MECR: variants seen among roughly 807,000 people sequenced by gnomAD.
MECR encodes mitochondrial trans-2-enoyl-CoA reductase, also known as enoyl-[acyl-carrier-protein] reductase, mitochondrial.
A neutral mutation model predicts 49.1 loss-of-function variants in MECR; 37 were observed. The observed-to-expected ratio is 0.75, with a 90% CI of 0.58 to 0.99. The LOEUF (loss-of-function observed/expected upper bound fraction) is 0.99, where lower values mean the gene tolerates loss of function less well. Among genes scored for constraint, MECR ranks in the 50% least tolerant of loss-of-function variants. The pLI, the probability that MECR is intolerant of heterozygous loss-of-function variation, is 0.00. For missense variants in MECR, 470 were observed against 479.6 expected (o/e 0.98, Z 0.19); for synonymous variants, 198 against 191.1 (o/e 1.04, Z -0.30).
chr1:29,205,906 C>T lies in MECR; in HGVS notation c.550+856G>A, dbSNP rs534674022. Among the ~76,000 whole-genome samples, 5 of 152,316 alleles carry T rather than the reference C, an allele frequency of 3.3e-5. No individual in the cohort carries two copies. In the South Asian group the frequency reaches 8.3e-4, roughly 25 times the overall value. On this transcript the variant is annotated intron_variant, in intron 4 of 9. Transcript: ENST00000263702. ...CTCCATCTCTGTCTCACTCTCCCCA[C>T]TCCCCTTCATTTCTTCTTCCCAAAC...
At chr1:29,205,682 T>C (rs917379772) in intron 4 of MECR, among the ~76,000 whole-genome samples, 3 of 151,744 alleles carry the variant, frequency 2.0e-5, no homozygotes, top group African/African-American at 7.3e-5. Flanking sequence ...ATACAAAAAT[T>C]AGCCAGGCAT....
chr1:29,215,915 G>C, intron 3 of MECR, 90 bp downstream of exon 3: 1 of 1,475,314 alleles, frequency 6.8e-7, no homozygotes, highest in African/African-American at 1.4e-5. Flanking sequence ...GCATTACCCA[G>C]GTACACTCGG....
chr1:29,209,132 A>G (rs1215369247), intron 3 of MECR, among the ~76,000 whole-genome samples: 2 of 152,230 alleles, frequency 1.3e-5, no homozygotes, highest in Non-Finnish European at 2.9e-5. Context: ...TCTGACCCAC[A>G]GTAACCATGA....
chr1:29,209,048 G>T (rs536310682), intron 3 of MECR, among the ~76,000 whole-genome samples: 1 of 152,206 alleles, frequency 6.6e-6, no homozygotes, highest in Non-Finnish European at 1.5e-5. Flanking sequence ...AGAGTGATGG[G>T]AAGAGTGGCT....
intron 1 of MECR, among the ~76,000 whole-genome samples, chr1:29,217,656 G>C (rs1679822636): frequency 6.6e-6 from 1 of 152,190 alleles, no homozygotes; most frequent in African/African-American, 2.4e-5. Flanking sequence ...GATCTACTAA[G>C]CCAGAATCTC....
the MECR span, among the ~76,000 whole-genome samples, chr1:29,168,342 T>C: frequency 1.3e-5 from 2 of 152,106 alleles, no homozygotes; most frequent in African/African-American, 4.8e-5. Flanking sequence ...TCTACTGTAT[T>C]TTAAAGGCAG....
At chr1:29,210,805 T>G (rs1677814302) in intron 3 of MECR, among the ~76,000 whole-genome samples, 1 of 152,234 alleles carries the variant, frequency 6.6e-6, no homozygotes, top group South Asian at 2.1e-4. Flanking sequence ...GAGTTTCCAT[T>G]TCCCTAATCT....
chr1:29,215,119 T>C (rs571775873), intron 3 of MECR, among the ~76,000 whole-genome samples: 5 of 152,334 alleles, frequency 3.3e-5, no homozygotes, highest in East Asian at 3.9e-4. Flanking sequence ...GCTCACGTGA[T>C]TGAACCTGCC....
chr1:29,200,794 TC>T (rs1675131624), intron 6 of MECR, among the ~76,000 whole-genome samples: 1 of 152,126 alleles, frequency 6.6e-6, no homozygotes, highest in Non-Finnish European at 1.5e-5. Flanking sequence ...CTTTCTTTTT[TC>T]TTTTTCTTTC....
At chr1:29,222,703 A>G (rs1681071638) in intron 1 of MECR, among the ~76,000 whole-genome samples, 1 of 152,120 alleles carries the variant, frequency 6.6e-6, no homozygotes, top group Non-Finnish European at 1.5e-5. Context: ...GGAGAGAAGG[A>G]GAGTGAAGAG....
intron 7 of MECR, among the ~76,000 whole-genome samples, chr1:29,197,475 A>G (rs1674283340): frequency 6.6e-6 from 1 of 152,152 alleles, no homozygotes; most frequent in Non-Finnish European, 1.5e-5. Context: ...GATTGAGGCT[A>G]ACATAATTTT....
intron 1 of MECR, among the ~76,000 whole-genome samples, chr1:29,220,241 A>AC (rs928986281): frequency 1.2e-4 from 18 of 151,390 alleles, no homozygotes; most frequent in Non-Finnish European, 2.2e-4. Flanking sequence ...AAAAAAAAAA[A>AC]AATACAAAAA....
At chr1:29,229,205 ATTT>A (rs35185139) in intron 1 of MECR, among the ~76,000 whole-genome samples, 1 of 143,866 alleles carries the variant, frequency 7.0e-6, no homozygotes, top group Non-Finnish European at 1.5e-5. Flanking sequence ...ATCTAGCTTG[ATTT>A]TTTTTTTTTT....
intron 2 of MECR, 117 bp downstream of exon 2, chr1:29,216,471 T>A: frequency 9.2e-7 from 1 of 1,082,430 alleles, no homozygotes; most frequent in Non-Finnish European, 1.4e-6. Flanking sequence ...ACGGCTCATC[T>A]GGAGAACAGC....
chr1:29,174,735 C>A, the MECR span, among the ~76,000 whole-genome samples: 1 of 149,240 alleles, frequency 6.7e-6, no homozygotes, highest in Non-Finnish European at 1.5e-5. Flanking sequence ...GTGCAGTGGC[C>A]CGATCTAGGC....
chr1:29,169,631 C>A, the MECR span: 6 of 152,204 alleles, frequency 3.9e-5, no homozygotes, highest in African/African-American at 1.4e-4. Flanking sequence ...AATGAGAACA[C>A]AAATATATCA....
At position 29,201,369 on chromosome 1, in the gene MECR, C is replaced by CT. The variant is rs1211253828; in HGVS notation, c.756+573dup. ...TGAAAAGGGGCTGAGGGTCTGGTCACTTACTAGGCATGTTGTGGGGTGGAG... is the reference window on the plus strand; with the variant it reads ...TGAAAAGGGGCTGAGGGTCTGGTCACTTTACTAGGCATGTTGTGGGGTGGAG... On this transcript the variant is annotated intron_variant, in intron 6 of 9. Coordinates refer to ENST00000263702, the MANE Select transcript of MECR (RefSeq NM_016011.5). This position sits in a 1 kb window ranked among gnomAD's most constrained non-coding sequence, Gnocchi z 4.3. 1.9e-6 allele frequency: 1 copy of CT among 532,516 alleles called. No individual in the cohort carries two copies. Among genetic ancestry groups the CT allele is most frequent in the Non-Finnish European group, 3.9e-6 (1 of 259,696 alleles). 33.0% of individuals were successfully genotyped at this position (532,516 alleles called of 1,614,324 possible).
At chr1:29,187,431 G>A in the MECR span, among the ~76,000 whole-genome samples, 51 of 151,094 alleles carry the variant, frequency 3.4e-4, no homozygotes, top group Non-Finnish European at 6.6e-4. Context: ...GGCTGGTCTC[G>A]AACTCCTGAC....
At chr1:29,186,139 C>G in the MECR span, among the ~76,000 whole-genome samples, 15,156 of 152,282 alleles carry the variant, frequency 0.1, 961 homozygotes, top group African/African-American at 0.18. Flanking sequence ...TTCCCCAATG[C>G]AAGTGGCACC....
Sources: gnomAD v4.1 joint callset for allele counts (sites outside exome capture counted in the v4.1 genomes callset) on GRCh38, gnomAD v4.1.1 for gene constraint, Gnocchi (gnomAD v3.1) non-coding constraint, MANE v1.5 for transcripts, NCBI Gene and HGNC (gene_info 2026-07-23, HGNC 2026-07-21) for gene names.